The following EYS variants were observed in gnomAD, a reference collection of about 807,000 sequenced individuals.
EYS encodes protein eyes shut homolog.
Under a neutral mutation model 282.1 loss-of-function variants are expected in EYS, and 250 were observed. That is an observed-to-expected ratio of 0.89 (90% CI 0.80 to 0.98). The LOEUF (loss-of-function observed/expected upper bound fraction) is 0.98, where lower values mean the gene tolerates loss of function less well. Ranked by LOEUF, EYS falls within the 50% of genes least tolerant of loss-of-function variation. The probability of loss-of-function intolerance (pLI) is 0.00; values close to 1 mark genes in which losing one functional copy is unlikely to be tolerated. For synonymous variants in EYS, 1,355 were observed against 1,282.9 expected (o/e 1.06, Z -1.20); for missense variants, 4,016 against 3,709.0 (o/e 1.08, Z -2.15).
intron 2 of EYS, among the ~76,000 whole-genome samples, chr6:65,612,475 A>G (rs1418140161): frequency 6.6e-6 from 1 of 151,784 alleles, no homozygotes; most frequent in Non-Finnish European, 1.5e-5. Context: ...AATTCTTGCA[A>G]GCTATAAACT....
intron 30 of EYS, among the ~76,000 whole-genome samples, chr6:64,240,088 CCT>C (rs1766751455): frequency 6.6e-6 from 1 of 151,954 alleles, no homozygotes; most frequent in Admixed American, 6.6e-5. Context: ...ATTTCTGAGG[CCT>C]CTGTTCTGTT....
At position 65,109,529 on chromosome 6, in the gene EYS, G is replaced by A. The variant is rs538126277; in HGVS notation, c.2024-51802C>T. The stretch of plus-strand genomic sequence containing the variant: ...GAGTCTTTTCTGCACGTGTGCTTAA[G>A]GTATTAGTTGGGCATGTGAGAAGGT... On this transcript the variant is annotated intron_variant, in intron 12 of 42. Transcript: ENST00000503581. Among the ~76,000 whole-genome samples the A allele has an allele frequency of 5.2e-4, 79 of 151,928 alleles. 1 individual carries two copies. Among genetic ancestry groups the A allele is most frequent in the Non-Finnish European group, 9.4e-4 (64 of 67,944 alleles).
chr6:65,508,861 T>C (rs1370588389), intron 2 of EYS, among the ~76,000 whole-genome samples: 1 of 151,992 alleles, frequency 6.6e-6, no homozygotes, highest in Non-Finnish European at 1.5e-5. Flanking sequence ...AAAGGATAAC[T>C]CTTCCCCTCC....
At chr6:65,120,412 TG>T (rs1275853485) in intron 12 of EYS, among the ~76,000 whole-genome samples, 1 of 138,588 alleles carries the variant, frequency 7.2e-6, no homozygotes, top group African/African-American at 2.8e-5. Flanking sequence ...AGGACTGACA[TG>T]GCTCATTATC....
chr6:64,355,762 A>G (rs1340836393), intron 29 of EYS, among the ~76,000 whole-genome samples: 2 of 151,638 alleles, frequency 1.3e-5, no homozygotes, highest in African/African-American at 4.8e-5. Flanking sequence ...TACAAAGATG[A>G]ATCAATCAGG....
chr6:65,499,576 A>T (rs1766375921), intron 2 of EYS, among the ~76,000 whole-genome samples: 1 of 152,006 alleles, frequency 6.6e-6, no homozygotes, highest in East Asian at 1.9e-4. Context: ...CAAAGAGGAA[A>T]ATTAGAAATA....
At chr6:64,325,217 G>A (rs1219592390) in intron 29 of EYS, among the ~76,000 whole-genome samples, 1 of 152,202 alleles carries the variant, frequency 6.6e-6, no homozygotes, top group Non-Finnish European at 1.5e-5. Context: ...GGTATCCACA[G>A]CTGAGAGACC....
chr6:65,701,442 T>C (rs1769671099), intron 1 of EYS, among the ~76,000 whole-genome samples: 1 of 152,160 alleles, frequency 6.6e-6, no homozygotes, highest in Admixed American at 6.5e-5. Flanking sequence ...CGCTTGTTCA[T>C]CTCTCTGCAG....
At chr6:65,484,952 T>C (rs1765735542) in intron 5 of EYS, among the ~76,000 whole-genome samples, 1 of 152,228 alleles carries the variant, frequency 6.6e-6, no homozygotes, top group Non-Finnish European at 1.5e-5. Flanking sequence ...AGTTGAATCA[T>C]TGTGATAGAG....
At chr6:65,537,613 G>A (rs963378510) in intron 2 of EYS, among the ~76,000 whole-genome samples, 8 of 151,964 alleles carry the variant, frequency 5.3e-5, no homozygotes, top group Non-Finnish European at 8.8e-5. Context: ...CTATTAGTTG[G>A]AAAATCAAAA....
intron 22 of EYS, among the ~76,000 whole-genome samples, chr6:64,771,505 T>C (rs1773521058): frequency 6.6e-6 from 1 of 151,790 alleles, no homozygotes; most frequent in South Asian, 2.1e-4. Context: ...CATTATAAAT[T>C]GCTATTAAGT....
At chr6:64,654,193 G>A (rs1768666944) in intron 22 of EYS, among the ~76,000 whole-genome samples, 1 of 152,056 alleles carries the variant, frequency 6.6e-6, no homozygotes, top group Admixed American at 6.5e-5. Context: ...AATAACTAAT[G>A]GGAGATTAAT....
At chr6:65,615,838 G>A (rs796965506) in intron 2 of EYS, among the ~76,000 whole-genome samples, 3 of 152,010 alleles carry the variant, frequency 2.0e-5, no homozygotes, top group Non-Finnish European at 4.4e-5. Context: ...GGAGGCTGAG[G>A]CGAGAGAATG....
At chr6:65,322,522 C>T (rs1454956688) in intron 11 of EYS, among the ~76,000 whole-genome samples, 10 of 151,948 alleles carry the variant, frequency 6.6e-5, no homozygotes, top group African/African-American at 1.5e-4. Flanking sequence ...CCAGGACGGG[C>T]GCAGTGGCTC....
At chr6:64,017,039 C>T (rs1382407244) in intron 33 of EYS, among the ~76,000 whole-genome samples, 1 of 151,748 alleles carries the variant, frequency 6.6e-6, no homozygotes, top group African/African-American at 2.4e-5. Context: ...TCCTCTAATT[C>T]CTGTCCTCTG....
At chr6:65,604,907 A>C (rs1224902930) in intron 2 of EYS, among the ~76,000 whole-genome samples, 2 of 148,366 alleles carry the variant, frequency 1.3e-5, no homozygotes, top group Non-Finnish European at 3.0e-5. Context: ...GCAGTGGCAC[A>C]ATCATGACTC....
chr6:64,054,850 C>A (rs770807626), intron 33 of EYS, among the ~76,000 whole-genome samples: 1 of 151,966 alleles, frequency 6.6e-6, no homozygotes, highest in African/African-American at 2.4e-5. Context: ...CACATAAGTG[C>A]AAAATAAATA....
At chr6:64,439,424 A>G (rs1774861339) in intron 26 of EYS, 72 bp from the exon 27 acceptor site, 3 of 1,010,718 alleles carry the variant, frequency 3.0e-6, no homozygotes, top group Admixed American at 7.4e-5. Flanking sequence ...CATTATTAAC[A>G]TAGCATATGT....
intron 2 of EYS, among the ~76,000 whole-genome samples, chr6:65,519,704 ATATATTTTTTTTTT>A (rs1371479220): frequency 5.5e-5 from 2 of 36,236 alleles, no homozygotes; most frequent in East Asian, 3.6e-3. Flanking sequence ...ATATATATAT[ATATATTTTTTTTTT>A]TTTTTTTTTT....
Sources: gnomAD v4.1 joint callset for allele counts (sites outside exome capture counted in the v4.1 genomes callset) on GRCh38, gnomAD v4.1.1 for gene constraint, MANE v1.5 for transcripts, NCBI Gene and HGNC (gene_info 2026-07-23, HGNC 2026-07-21) for gene names.